NRXN1: variants seen among roughly 807,000 people sequenced by gnomAD.
The protein encoded by NRXN1 is neurexin 1.
NRXN1 carries 39 observed loss-of-function variants against 150.9 expected under a neutral mutation model. The ratio of observed to expected loss-of-function variants is 0.26; its 90% CI spans 0.20 to 0.34. The LOEUF (loss-of-function observed/expected upper bound fraction) is 0.34, where lower values mean the gene tolerates loss of function less well. Among genes scored for constraint, NRXN1 ranks in the 10% least tolerant of loss-of-function variants. NRXN1 has a pLI of 1.00. For synonymous variants in NRXN1, 924 were observed against 757.0 expected, an observed-to-expected ratio of 1.22 and a Z score of -3.62; for missense variants, 1,815 against 1,949.9, an observed-to-expected ratio of 0.93 and a Z score of 1.30.
chr2:50,457,997 A>G (rs572999650), intron 17 of NRXN1, among the ~76,000 whole-genome samples: 1 of 152,298 alleles, frequency 6.6e-6, no homozygotes, highest in African/African-American at 2.4e-5. Flanking sequence ...TATCCAAAAG[A>G]AAGGAAATCA....
At chr2:51,008,298 T>C (rs1174580869) in intron 2 of NRXN1, among the ~76,000 whole-genome samples, 1 of 151,948 alleles carries the variant, frequency 6.6e-6, no homozygotes, top group African/African-American at 2.4e-5. Flanking sequence ...TGATCCTTTG[T>C]GTATATGACT....
chr2:50,710,044 G>T, intron 5 of NRXN1, among the ~76,000 whole-genome samples: 1 of 152,130 alleles, frequency 6.6e-6, no homozygotes, highest in East Asian at 1.9e-4. Context: ...GCATCCACCA[G>T]AACATGTGCA....
chr2:50,224,673 AAGAGAGAGAGAGAGGGAGAAAG>A (rs1245020678), intron 18 of NRXN1, among the ~76,000 whole-genome samples: 8 of 140,436 alleles, frequency 5.7e-5, no homozygotes, highest in African/African-American at 2.2e-4. Context: ...CAGAAGATTA[AAGAGAGAGAGAGAGGGAGAAAG>A]AGAGAGAGAG....
At chr2:50,112,628 A>G (rs1010630848) in intron 18 of NRXN1, among the ~76,000 whole-genome samples, 10 of 152,174 alleles carry the variant, frequency 6.6e-5, no homozygotes, top group African/African-American at 2.4e-4. Context: ...ATGAGGGTGC[A>G]AGGGCTGTTT....
At chr2:50,504,140 T>TAA (rs70948715) in intron 13 of NRXN1, among the ~76,000 whole-genome samples, 3,174 of 112,352 alleles carry the variant, frequency 0.028, 96 homozygotes, top group African/African-American at 0.042. Flanking sequence ...ACATGACAAC[T>TAA]AAAAAAAAAA....
rs1238539010 is a variant in NRXN1, at chr2:51,027,707, G to C, written c.567C>G (p.Val189=). The C allele has an allele frequency of 6.2e-7, 1 of 1,608,294 alleles. No homozygotes were observed. Among genetic ancestry groups the C allele is most frequent in the Non-Finnish European group, 8.5e-7 (1 of 1,177,066 alleles). The change falls in exon 2 of 23, where the codon GTC becomes GTG. Residue 189 remains valine (V), a synonymous_variant. Transcript: ENST00000401669. ...CCACGGGCAGGACCTGCGAGGAGTTGACCCTCACGTCACGAATCCACCCCT... is the reference window on the plus strand; with the variant it reads ...CCACGGGCAGGACCTGCGAGGAGTTCACCCTCACGTCACGAATCCACCCCT... ...PFKGWIRDVR[V]NSSQVLPVDS...
At position 50,373,690 on chromosome 2, in the gene NRXN1, GGAAA is replaced by G. The variant is rs70948706; in HGVS notation, c.3364+91748_3364+91751del. ...AGAAAGAAAGAAAGAAAAGAAAGAA[GGAAA>G]GAAAGAAAGAAAGAAAGAGAAAGAA... On this transcript the variant is annotated intron_variant, in intron 17 of 22. Transcript: ENST00000401669. Among the ~76,000 whole-genome samples the G allele has an allele frequency of 3.3e-3, 307 of 91,718 alleles. 5 individuals are homozygous for G. Among genetic ancestry groups the G allele is most frequent in the Middle Eastern group, 0.018 (4 of 220 alleles). 60.2% of individuals were successfully genotyped at this position (91,718 alleles called of 152,430 possible).
At position 50,481,926 on chromosome 2, in the gene NRXN1, C is replaced by T. The variant is rs936190229; in HGVS notation, c.3071-9455G>A. On this transcript the variant is annotated intron_variant, in intron 15 of 22. Coordinates refer to ENST00000401669, the MANE Select transcript of NRXN1 (RefSeq NM_001330078.2). The stretch of plus-strand genomic sequence containing the variant: ...GACTACAGGCGCCCGCCACTACGCC[C>T]GGCTAATTTTTTTTTGTATTTTTAG... Among the ~76,000 whole-genome samples the T allele has an allele frequency of 7.6e-5, 11 of 145,498 alleles. 1 individual carries two copies. The highest frequency in any genetic ancestry group is 3.4e-4 in the Admixed American group (5 of 14,894).
At chr2:50,451,869 T>A (rs745355725) in intron 17 of NRXN1, among the ~76,000 whole-genome samples, 1 of 152,234 alleles carries the variant, frequency 6.6e-6, no homozygotes, top group African/African-American at 2.4e-5. Flanking sequence ...AAATCCTAGT[T>A]TATTGCTGAT....
At chr2:50,801,356 G>C (rs933227912) in intron 5 of NRXN1, among the ~76,000 whole-genome samples, 5 of 152,086 alleles carry the variant, frequency 3.3e-5, no homozygotes, top group Non-Finnish European at 7.4e-5. Flanking sequence ...TGATGATTAT[G>C]TCAATCTGCA....
At chr2:50,750,445 AAGAAG>A (rs961517544) in intron 5 of NRXN1, among the ~76,000 whole-genome samples, 7 of 151,988 alleles carry the variant, frequency 4.6e-5, no homozygotes, top group South Asian at 4.1e-4. Context: ...GAGAAGAGAA[AAGAAG>A]AGAAGAGGAA....
intron 17 of NRXN1, among the ~76,000 whole-genome samples, chr2:50,255,442 G>T (rs192430365): frequency 6.6e-6 from 1 of 152,168 alleles, no homozygotes; most frequent in African/African-American, 2.4e-5. Flanking sequence ...CATGGGGCAG[G>T]TAAGTGTCAA....
At chr2:50,817,518 G>A (rs1574580348) in intron 5 of NRXN1, among the ~76,000 whole-genome samples, 1 of 152,036 alleles carries the variant, frequency 6.6e-6, no homozygotes, top group Non-Finnish European at 1.5e-5. Context: ...CAGCATTGTG[G>A]TGATAGGGAT....
intron 17 of NRXN1, chr2:50,463,969 T>A (rs1246123860): frequency 6.6e-6 from 1 of 151,600 alleles, no homozygotes; most frequent in East Asian, 1.9e-4. Flanking sequence ...TGAAAATAAA[T>A]TTACGCCATT....
intron 2 of NRXN1, among the ~76,000 whole-genome samples, chr2:50,957,992 A>G (rs538302760): frequency 6.6e-6 from 1 of 152,004 alleles, no homozygotes. Context: ...ACCCCTCTCT[A>G]TTGTCTAAGG....
intron 5 of NRXN1, among the ~76,000 whole-genome samples, chr2:50,885,070 C>T (rs1680020678): frequency 6.6e-6 from 1 of 151,570 alleles, no homozygotes; most frequent in Admixed American, 6.6e-5. Flanking sequence ...GTTTCAGTAT[C>T]TAATATTACT....
At chr2:50,979,359 T>C (rs1338650351) in intron 2 of NRXN1, 2 of 459,982 alleles carry the variant, frequency 4.3e-6, no homozygotes, top group Non-Finnish European at 8.6e-6. Context: ...CCTCCTTGTT[T>C]AACAAATACC....
At chr2:50,514,996 A>G (rs1044766547) in intron 12 of NRXN1, among the ~76,000 whole-genome samples, 2 of 152,166 alleles carry the variant, frequency 1.3e-5, no homozygotes, top group African/African-American at 4.8e-5. Flanking sequence ...CCCACCCCCC[A>G]GGCCACAGAC....
chr2:50,829,336 A>G (rs907437804), intron 5 of NRXN1: 1 of 722,016 alleles, frequency 1.4e-6, no homozygotes, highest in Admixed American at 2.5e-5. Context: ...CTCCATGTTG[A>G]TCAGGACAGT....
Sources: allele counts gnomAD v4.1 joint callset (sites outside exome capture counted in the v4.1 genomes callset), GRCh38; gene constraint gnomAD v4.1.1; transcripts MANE v1.5; gene names NCBI Gene and HGNC (gene_info 2026-07-23, HGNC 2026-07-21).